The following TSEN2 variants were observed in gnomAD, a reference collection of about 807,000 sequenced individuals.
TSEN2 encodes the protein tRNA-splicing endonuclease subunit Sen2.
A neutral mutation model predicts 59.2 loss-of-function variants in TSEN2; 54 were observed. That is an observed-to-expected ratio of 0.91 (90% CI 0.73 to 1.14). The LOEUF is 1.14. Among genes scored for constraint, TSEN2 ranks in the 50% most tolerant of loss-of-function variants. The pLI, the probability that TSEN2 is intolerant of heterozygous loss-of-function variation, is 0.00. For synonymous variants in TSEN2, 195 were observed against 198.2 expected, an observed-to-expected ratio of 0.98 and a Z score of 0.14; for missense variants, 636 against 576.2, an observed-to-expected ratio of 1.10 and a Z score of -1.06.
intron 3 of TSEN2, among the ~76,000 whole-genome samples, chr3:12,493,487 G>T (rs1178911230): frequency 2.0e-5 from 3 of 152,208 alleles, no homozygotes; most frequent in Admixed American, 6.5e-5. Flanking sequence ...CCAGCACTTT[G>T]GGAGGCCGAG....
rs370437335 is a variant in TSEN2, at chr3:12,515,872, C to CT, written c.910-729dup. 3.5e-3 allele frequency among the ~76,000 whole-genome samples: 521 copies of CT among 147,158 alleles called. 5 individuals carry two copies. Among genetic ancestry groups the CT allele is most frequent in the African/African-American group, 0.011 (448 of 40,148 alleles). Reference sequence around the variant, plus strand: ...CAGCACTGCCCCACACTTTTCACACCTTTTTTTTTTGTTGATATATTTTTC... The same window carrying CT: ...CAGCACTGCCCCACACTTTTCACACCTTTTTTTTTTTGTTGATATATTTTTC... On this transcript the variant is annotated intron_variant, in intron 6 of 11. Transcript: ENST00000284995.
intron 2 of TSEN2, among the ~76,000 whole-genome samples, chr3:12,490,570 T>C (rs902893767): frequency 6.6e-6 from 1 of 152,252 alleles, no homozygotes; most frequent in African/African-American, 2.4e-5. Context: ...AATCTGTTCA[T>C]TGCTGTGGGC....
At chr3:12,496,691 T>G in intron 4 of TSEN2, 137 bp downstream of exon 4, 1 of 841,554 alleles carries the variant, frequency 1.2e-6, no homozygotes, top group Non-Finnish European at 2.0e-6. Flanking sequence ...TCCTTGAAAA[T>G]TATGTTGGAA....
Position 12,505,189 on chromosome 3 carries a change from T to C in TSEN2, c.867T>C (p.Asn289=), listed in dbSNP as rs903206719. Residue 289 remains asparagine, a synonymous_variant, in exon 6 of 12, where the codon AAT becomes AAC. Transcript: ENST00000284995. ...GAAACAGGTTAATATGCAGAAGAAA[T>C]CCATATAGGATCTTTGAGTATTTGC... is the stretch of plus-strand genomic sequence containing the variant. ...VQRNRLICRR[N]PYRIFEYLQL... 6.2e-6 allele frequency: 10 copies of C among 1,612,084 alleles called. No individual in the cohort carries two copies. Among genetic ancestry groups the C allele is most frequent in the African/African-American group, 1.3e-5 (1 of 74,868 alleles).
At chr3:12,482,957 T>C (rs1375465686), upstream of TSEN2, among the ~76,000 whole-genome samples, 2 of 152,192 alleles carry the variant, frequency 1.3e-5, no homozygotes, top group African/African-American at 4.8e-5. Context: ...ACCACAAAGC[T>C]CTTTGATTTT....
At chr3:12,505,263 T>C in intron 6 of TSEN2, 32 bp downstream of exon 6, 1 of 1,421,922 alleles carries the variant, frequency 7.0e-7, no homozygotes, top group Non-Finnish European at 1.0e-6. Flanking sequence ...ATTTCAGCCA[T>C]CGGTCTCTGG....
At chr3:12,505,086 A>G in intron 5 of TSEN2, 68 bp from the exon 6 acceptor site, 2 of 924,682 alleles carry the variant, frequency 2.2e-6, no homozygotes, top group South Asian at 2.7e-5. Context: ...TGTTCATTTT[A>G]AAATACATTC....
chr3:12,525,062 T>C (rs2056971516), intron 8 of TSEN2, among the ~76,000 whole-genome samples: 1 of 152,114 alleles, frequency 6.6e-6, no homozygotes, highest in Non-Finnish European at 1.5e-5. Flanking sequence ...TCTGACATGG[T>C]CACTCTACCT....
chr3:12,495,117 C>T (rs1467443644), intron 3 of TSEN2, among the ~76,000 whole-genome samples: 1 of 104,012 alleles, frequency 9.6e-6, no homozygotes, highest in Non-Finnish European at 1.8e-5. Flanking sequence ...CATAATGCAA[C>T]TCCGTCTCCA....
chr3:12,526,997 A>G (rs941652107), intron 8 of TSEN2, among the ~76,000 whole-genome samples: 1 of 152,242 alleles, frequency 6.6e-6, no homozygotes, highest in African/African-American at 2.4e-5. Context: ...ACGGAGGCTC[A>G]GGGAAGTTAA....
In TSEN2 at chr3:12,489,772, T is replaced by C. The variant is rs935434854; in HGVS notation, c.-17-12T>C. The C allele has an allele frequency of 6.2e-7, 1 of 1,607,064 alleles. No individual in the cohort carries two copies. Among genetic ancestry groups the C allele is most frequent in the Admixed American group, 1.7e-5 (1 of 59,952 alleles). ...TGTCTGTTTCTTTCTGTTTGTTGTC[T>C]ACTCTTTAAAGAATACCTCCTCTGA... is the stretch of plus-strand genomic sequence containing the variant. On this transcript the variant is annotated splice_polypyrimidine_tract_variant and intron_variant, in intron 1 of 11. Coordinates refer to ENST00000284995, the MANE Select transcript of TSEN2 (RefSeq NM_025265.4).
At chr3:12,485,446 G>A (rs1354198183) in intron 1 of TSEN2, among the ~76,000 whole-genome samples, 2 of 152,110 alleles carry the variant, frequency 1.3e-5, no homozygotes, top group African/African-American at 4.8e-5. Context: ...ATTTCTCAGG[G>A]GTGCGCCCGG....
chr3:12,509,641 A>G (rs2055221824), intron 6 of TSEN2, among the ~76,000 whole-genome samples: 1 of 152,206 alleles, frequency 6.6e-6, no homozygotes, highest in Non-Finnish European at 1.5e-5. Context: ...CAGCTCACTC[A>G]TTCCCAGCAA....
At chr3:12,492,274 TG>T in intron 3 of TSEN2, 57 bp downstream of exon 3, 1 of 1,456,950 alleles carries the variant, frequency 6.9e-7, no homozygotes, top group Non-Finnish European at 9.6e-7. Context: ...CCTTTGTTTT[TG>T]ATCTTATATC....
At chr3:12,499,307 G>A (rs1259696980) in intron 4 of TSEN2, among the ~76,000 whole-genome samples, 2 of 152,124 alleles carry the variant, frequency 1.3e-5, no homozygotes, top group Non-Finnish European at 2.9e-5. Flanking sequence ...CCTTTATTCA[G>A]CCAGAATTCA....
intron 10 of TSEN2, chr3:12,530,249 T>C (rs2057377740): frequency 3.0e-6 from 3 of 1,014,768 alleles, no homozygotes; most frequent in Admixed American, 5.5e-5. Flanking sequence ...AGTCAAAACA[T>C]TGAAAGTTTG....
intron 8 of TSEN2, among the ~76,000 whole-genome samples, chr3:12,520,237 A>G (rs1419461334): frequency 6.6e-6 from 1 of 152,168 alleles, no homozygotes; most frequent in Non-Finnish European, 1.5e-5. Context: ...TGAGCTCGTC[A>G]TCTGCCCACT....
At chr3:12,491,227 A>G (rs570157468) in intron 2 of TSEN2, among the ~76,000 whole-genome samples, 115 of 152,194 alleles carry the variant, frequency 7.6e-4, no homozygotes, top group Non-Finnish European at 1.5e-3. Flanking sequence ...CCTGACCTCA[A>G]GTGATCTGCC....
At chr3:12,516,458 G>A (rs1019654302) in intron 6 of TSEN2, among the ~76,000 whole-genome samples, 153 bp from the exon 7 acceptor site, 5 of 145,630 alleles carry the variant, frequency 3.4e-5, no homozygotes, top group African/African-American at 1.2e-4. Flanking sequence ...GTGTGTGTGT[G>A]TGTGTGTGTG....
Sources: allele counts gnomAD v4.1 joint callset (sites outside exome capture counted in the v4.1 genomes callset), GRCh38; gene constraint gnomAD v4.1.1; transcripts MANE v1.5; gene names NCBI Gene and HGNC (gene_info 2026-07-23, HGNC 2026-07-21).